The following ACER1 variants were observed in gnomAD, a reference collection of about 807,000 sequenced individuals.
ACER1 encodes the protein alkaline ceramidase 1.
Under a neutral mutation model 24.9 loss-of-function variants are expected in ACER1, and 28 were observed. The ratio of observed to expected loss-of-function variants is 1.13; its 90% CI spans 0.83 to 1.54. The LOEUF (loss-of-function observed/expected upper bound fraction) is 1.54. ACER1 is among the 40% of genes most tolerant of loss of function. The pLI is 0.00. For missense variants in ACER1, 352 were observed against 349.3 expected (o/e 1.01, Z -0.06); for synonymous variants, 132 against 131.4 (o/e 1.00, Z -0.03).
At chr19:6,343,785 C>T in the ACER1 span, 5 of 152,260 alleles carry the variant, frequency 3.3e-5, no homozygotes, top group Non-Finnish European at 5.9e-5. Context: ...CCACTTTACC[C>T]TGTGGGAAGG....
the ACER1 span, among the ~76,000 whole-genome samples, chr19:6,339,633 C>T: frequency 1.3e-4 from 20 of 152,070 alleles, no homozygotes; most frequent in Non-Finnish European, 2.2e-4. Context: ...TATCTTTTAC[C>T]ACAATTTTAC....
At chr19:6,359,641 G>A in the ACER1 span, among the ~76,000 whole-genome samples, 1 of 151,920 alleles carries the variant, frequency 6.6e-6, no homozygotes, top group South Asian at 2.1e-4. Context: ...GTGATTCGAA[G>A]GACTGCCCCG....
Position 6,306,664 on chromosome 19 carries a change from A to G in ACER1, c.*50T>C. On this transcript the variant is annotated 3_prime_UTR_variant, in exon 6 of 6. Coordinates refer to ENST00000301452, the MANE Select transcript of ACER1 (RefSeq NM_133492.3). ...AGTCCTGACCGGGGCTATCTTCTCA[A>G]GACACAGGCAAGTTGTTGGGTGGTT... The G allele has an allele frequency of 6.4e-7, 1 of 1,561,114 alleles. No individual in the cohort carries two copies. Among genetic ancestry groups the G allele is most frequent in the South Asian group, 1.2e-5 (1 of 82,888 alleles).
chr19:6,348,335 C>A, the ACER1 span, among the ~76,000 whole-genome samples: 2 of 151,094 alleles, frequency 1.3e-5, no homozygotes, highest in African/African-American at 2.4e-5. Context: ...TGTGGTGGCA[C>A]GCGCCTGTAA....
rs762246526 is a variant in ACER1 at position 6,312,497 on chromosome 19, G to A, written c.96C>T (p.Phe32=). The change falls in exon 2 of 6, where the codon TTC becomes TTT. Residue 32 remains phenylalanine (F), a splice_region_variant and synonymous_variant. Transcript: ENST00000301452. ...SELVAEFYNT[F]SNIPFFIFGP... ...CGAAGATGAAGAAGGGGATATTGGAGAACTGGAGCAGAGAGAGCCATAGGG... is the reference window on the plus strand; with the variant it reads ...CGAAGATGAAGAAGGGGATATTGGAAAACTGGAGCAGAGAGAGCCATAGGG... The A allele has an allele frequency of 6.2e-7, 1 of 1,613,018 alleles. No homozygotes were observed. Among genetic ancestry groups the A allele is most frequent in the South Asian group, 1.1e-5 (1 of 91,014 alleles).
intron 1 of ACER1, among the ~76,000 whole-genome samples, chr19:6,326,876 C>T (rs1024181518): frequency 9.2e-5 from 14 of 152,126 alleles, no homozygotes; most frequent in Admixed American, 6.6e-5. Context: ...CTTCATCTCT[C>T]CCCACATTGT....
At chr19:6,343,934 G>A in the ACER1 span, 1 of 152,180 alleles carries the variant, frequency 6.6e-6, no homozygotes, top group Non-Finnish European at 1.5e-5. Context: ...CCAGGATTCT[G>A]GTACAAGATT....
chr19:6,347,031 G>A, the ACER1 span, among the ~76,000 whole-genome samples: 2 of 147,596 alleles, frequency 1.4e-5, no homozygotes, highest in Admixed American at 6.8e-5. Flanking sequence ...GGAGGCCAAG[G>A]AGGGAGTATC....
upstream of ACER1, among the ~76,000 whole-genome samples, chr19:6,337,373 T>C (rs2091718159): frequency 6.6e-6 from 1 of 152,050 alleles, no homozygotes; most frequent in Non-Finnish European, 1.5e-5. Flanking sequence ...TTTGTTTACA[T>C]TGTATTTATT....
chr19:6,315,258 CA>C (rs2091597956), intron 1 of ACER1, among the ~76,000 whole-genome samples: 1 of 151,780 alleles, frequency 6.6e-6, no homozygotes, highest in Non-Finnish European at 1.5e-5. Flanking sequence ...GGCTGGAATG[CA>C]GTGACACGAT....
At chr19:6,337,822 C>T (rs533221773), upstream of ACER1, among the ~76,000 whole-genome samples, 12 of 150,970 alleles carry the variant, frequency 7.9e-5, no homozygotes, top group Non-Finnish European at 1.5e-4. Flanking sequence ...ACTGCAGGCA[C>T]CCACCACCAA....
At chr19:6,347,013 G>A in the ACER1 span, among the ~76,000 whole-genome samples, 234 of 147,962 alleles carry the variant, frequency 1.6e-3, no homozygotes, top group Admixed American at 2.5e-3. Flanking sequence ...TATAATCTCC[G>A]CACTTTGGGA....
At chr19:6,352,311 GCATT>G in the ACER1 span, among the ~76,000 whole-genome samples, 1 of 152,168 alleles carries the variant, frequency 6.6e-6, no homozygotes, top group East Asian at 1.9e-4. Context: ...TCCAAGCCAA[GCATT>G]TAAGAAGACA....
At chr19:6,335,906 C>CT (rs750891225), upstream of ACER1, among the ~76,000 whole-genome samples, 589 of 141,542 alleles carry the variant, frequency 4.2e-3, 3 homozygotes, top group East Asian at 0.024. Context: ...TTTTTCTTTT[C>CT]TTTTTTTTTT....
chr19:6,348,828 C>T, the ACER1 span, among the ~76,000 whole-genome samples: 8 of 151,878 alleles, frequency 5.3e-5, no homozygotes, highest in East Asian at 3.9e-4. Flanking sequence ...GAGGCCGAGG[C>T]GGGTGGATCA....
the ACER1 span, among the ~76,000 whole-genome samples, chr19:6,348,578 A>G: frequency 4.7e-3 from 715 of 152,222 alleles, 7 homozygotes; most frequent in African/African-American, 0.016. Flanking sequence ...CGTCACAAAG[A>G]AAACATCCAT....
At chr19:6,359,222 A>G in the ACER1 span, among the ~76,000 whole-genome samples, 1 of 152,054 alleles carries the variant, frequency 6.6e-6, no homozygotes, top group Non-Finnish European at 1.5e-5. Flanking sequence ...ACAGAGCGAG[A>G]CACTGACTCA....
chr19:6,333,332 C>T (rs2145022080), intron 1 of ACER1, 127 bp downstream of exon 1: 1 of 693,766 alleles, frequency 1.4e-6, no homozygotes, highest in South Asian at 2.4e-5. Context: ...CTTTGGCTAA[C>T]AGATGAGAAA....
Position 6,315,401 on chromosome 19 carries a change from A to T in ACER1, c.94-2902T>A, listed in dbSNP as rs552639336. Among the ~76,000 whole-genome samples the T allele has an allele frequency of 1.9e-3, 286 of 151,370 alleles. 1 individual carries two copies. Among genetic ancestry groups the T allele is most frequent in the Non-Finnish European group, 2.9e-3 (198 of 67,840 alleles). On this transcript the variant is annotated intron_variant, in intron 1 of 5. Coordinates refer to ENST00000301452, the MANE Select transcript of ACER1 (RefSeq NM_133492.3). ...GTTTTGTTTTGTTTTGTTTTTTGAG[A>T]CAGAGTCTCACTCCGTCGCCCAGGC...
Sources: allele counts gnomAD v4.1 joint callset (sites outside exome capture counted in the v4.1 genomes callset), GRCh38; gene constraint gnomAD v4.1.1; transcripts MANE v1.5; gene names NCBI Gene and HGNC (gene_info 2026-07-23, HGNC 2026-07-21).